The following UGT1A4 variants were observed in gnomAD, a reference collection of about 807,000 sequenced individuals.
UGT1A4 encodes the protein UDP glucuronosyltransferase family 1 member A4.
UGT1A4 carries 32 observed loss-of-function variants against 41.1 expected under a neutral mutation model. The observed-to-expected ratio is 0.78, with a 90% CI of 0.59 to 1.05. The LOEUF (loss-of-function observed/expected upper bound fraction) is 1.05. UGT1A4 is among the 50% of genes least tolerant of loss of function. The pLI, the probability that UGT1A4 is intolerant of heterozygous loss-of-function variation, is 0.00. For synonymous variants in UGT1A4, 283 were observed against 265.1 expected, an observed-to-expected ratio of 1.07 and a Z score of -0.66; for missense variants, 748 against 677.4, an observed-to-expected ratio of 1.10 and a Z score of -1.16.
At chr2:233,748,654 C>T (rs1693998428) in intron 1 of UGT1A4, among the ~76,000 whole-genome samples, 1 of 151,632 alleles carries the variant, frequency 6.6e-6, no homozygotes, top group Admixed American at 6.6e-5. Flanking sequence ...ACACTGAGTT[C>T]AGTTTCCAGA....
At chr2:233,740,026 G>A (rs1244657367) in intron 1 of UGT1A4, among the ~76,000 whole-genome samples, 1 of 151,782 alleles carries the variant, frequency 6.6e-6, no homozygotes, top group Non-Finnish European at 1.5e-5. Flanking sequence ...GAGAGCTGAT[G>A]GTTTTATAAG....
chr2:233,764,353 C>G (rs556692571), intron 1 of UGT1A4, among the ~76,000 whole-genome samples: 23 of 152,240 alleles, frequency 1.5e-4, no homozygotes, highest in Non-Finnish European at 2.8e-4. Flanking sequence ...CTTTATTGAG[C>G]CTCATAGTAG....
chr2:233,755,006 C>T (rs1286236812), intron 1 of UGT1A4: 2 of 1,291,954 alleles, frequency 1.5e-6, no homozygotes, highest in Admixed American at 1.9e-5. Context: ...TGAAGACCTA[C>T]TCGAAGGGGT....
intron 1 of UGT1A4, among the ~76,000 whole-genome samples, chr2:233,764,304 G>T (rs1377470557): frequency 6.6e-6 from 1 of 152,130 alleles, no homozygotes; most frequent in Non-Finnish European, 1.5e-5. Context: ...TCAGGGTGAA[G>T]TTTAAGGGAA....
In UGT1A4 at chr2:233,719,110, C is replaced by G; in HGVS notation, c.290C>G (p.Thr97Ser). 1 of 1,614,270 alleles carries G rather than the reference C, an allele frequency of 6.2e-7. No individual in the cohort carries two copies. Among genetic ancestry groups the G allele is most frequent in the Non-Finnish European group, 8.5e-7 (1 of 1,180,050 alleles). ...TTTGATCGCGTTACGCTGGGCTACACTCAAGGGTTCTTTGAAACAGAACAT... is the reference window on the plus strand; with the variant it reads ...TTTGATCGCGTTACGCTGGGCTACAGTCAAGGGTTCTTTGAAACAGAACAT... ...KEFDRVTLGY[T>S]QGFFETEHLL... The change falls in exon 1 of 5, where the codon ACT (threonine) becomes AGT (serine). Residue 97 changes from threonine to serine, a missense_variant. By Grantham distance (58) the Thr-to-Ser change is moderately conservative. Transcript: ENST00000373409.
At chr2:233,724,425 G>C (rs1323206550) in intron 1 of UGT1A4, among the ~76,000 whole-genome samples, 9 of 126,856 alleles carry the variant, frequency 7.1e-5, no homozygotes, top group Admixed American at 1.5e-4. Context: ...CGGGCGGAGA[G>C]GCTCCTCACT....
intron 1 of UGT1A4, among the ~76,000 whole-genome samples, chr2:233,752,171 G>A (rs1336232019): frequency 2.6e-5 from 4 of 152,222 alleles, no homozygotes; most frequent in Non-Finnish European, 2.9e-5. Context: ...AGTGTGTGAT[G>A]TAAGCTGAAT....
chr2:233,754,735 A>C, intron 1 of UGT1A4: 1 of 652,450 alleles, frequency 1.5e-6, no homozygotes, highest in South Asian at 1.5e-5. Flanking sequence ...TCACTACCGT[A>C]GGACATGCAG....
rs368511777 is a variant in UGT1A4 at position 233,719,318 on chromosome 2, G to A, written c.498G>A (p.Ser166=). 1.9e-5 allele frequency: 30 copies of A among 1,613,836 alleles called. No individual in the cohort carries two copies. In the East Asian group the frequency reaches 2.5e-4, roughly 13 times the overall value. Residue 166 remains serine, a synonymous_variant, in exon 1 of 5, where the codon TCG becomes TCA. Transcript: ENST00000373409. ...GGGCGGTGCTGGCTAAGTACCTGTC[G>A]ATTCCTGCTGTGTTTTTTTGGAGGT... ...LCGAVLAKYL[S]IPAVFFWRYI... is the part of the protein sequence containing the mutation.
At chr2:233,758,188 A>G (rs1349167562) in intron 1 of UGT1A4, among the ~76,000 whole-genome samples, 2 of 152,180 alleles carry the variant, frequency 1.3e-5, no homozygotes, top group African/African-American at 4.8e-5. Flanking sequence ...TATTAATTGG[A>G]TTGCTTAGTA....
At chr2:233,761,119 A>T in intron 1 of UGT1A4, 1 of 1,614,188 alleles carries the variant, frequency 6.2e-7, no homozygotes, top group African/African-American at 1.3e-5. Context: ...TGTTGGTGGA[A>T]TCAACTGCCT....
At chr2:233,756,551 C>G (rs1440983818) in intron 1 of UGT1A4, among the ~76,000 whole-genome samples, 1 of 152,076 alleles carries the variant, frequency 6.6e-6, no homozygotes, top group East Asian at 1.9e-4. Context: ...CTAAAACAAC[C>G]AGGGAGATCC....
Position 233,768,303 on chromosome 2 carries a change from A to C in UGT1A4, c.1171A>C (p.Met391Leu). The change falls in exon 4 of 5, where the codon ATG (methionine) becomes CTG (leucine). Residue 391 changes from methionine (M) to leucine (L), a missense_variant. Met to Leu is a conservative substitution (Grantham distance 15, BLOSUM62 2). Coordinates refer to ENST00000373409, the MANE Select transcript of UGT1A4 (RefSeq NM_007120.3). ...ESICNGVPMV[M>L]MPLFGDQMDN... ...CATATGCAATGGCGTTCCCATGGTG[A>C]TGATGCCCTTGTTTGGTGATCAGAT... 2 of 1,614,200 alleles carry C rather than the reference A, an allele frequency of 1.2e-6. No individual in the cohort carries two copies. Among genetic ancestry groups the C allele is most frequent in the Non-Finnish European group, 1.7e-6 (2 of 1,180,040 alleles).
At chr2:233,767,292 T>C in intron 2 of UGT1A4, 127 bp downstream of exon 2, 1 of 1,553,044 alleles carries the variant, frequency 6.4e-7, no homozygotes, top group South Asian at 1.2e-5. Context: ...ACTTCCCAAC[T>C]ATTAATCCAA....
chr2:233,733,746 G>A (rs1211480286), intron 1 of UGT1A4, among the ~76,000 whole-genome samples: 2 of 152,164 alleles, frequency 1.3e-5, no homozygotes, highest in Admixed American at 6.5e-5. Context: ...TGTTCATCAG[G>A]GATATTTGTC....
chr2:233,744,318 TG>T (rs1692773667), intron 1 of UGT1A4, among the ~76,000 whole-genome samples: 2 of 151,754 alleles, frequency 1.3e-5, no homozygotes, highest in Admixed American at 1.3e-4. Flanking sequence ...AAGAGGGTGG[TG>T]GGAGTGAGTT....
At position 233,719,072 on chromosome 2, in the gene UGT1A4, G is replaced by T. The variant is rs148007151; in HGVS notation, c.252G>T (p.Trp84Cys). ...CCCTGACAGCCTATGCTGTTCCATG[G>T]ACCCAGAAGGAATTTGATCGCGTTA... ...FFTLTAYAVP[W>C]TQKEFDRVTL... The change falls in exon 1 of 5, where the codon TGG (tryptophan) becomes TGT (cysteine). Residue 84 changes from tryptophan (W) to cysteine (C), a missense_variant. Transcript: ENST00000373409. The T allele has an allele frequency of 6.2e-7, 1 of 1,614,284 alleles. No homozygotes were observed.
chr2:233,745,271 G>A (rs1376057021), intron 1 of UGT1A4, among the ~76,000 whole-genome samples: 1 of 151,866 alleles, frequency 6.6e-6, no homozygotes, highest in Non-Finnish European at 1.5e-5. Flanking sequence ...TGCAGGCCGT[G>A]TGTATAGCAC....
intron 1 of UGT1A4, among the ~76,000 whole-genome samples, chr2:233,758,117 T>C (rs1223094258): frequency 1.3e-5 from 2 of 152,208 alleles, no homozygotes; most frequent in African/African-American, 4.8e-5. Context: ...GCTCACACGT[T>C]CCATAAATAT....
Sources: allele counts gnomAD v4.1 joint callset (sites outside exome capture counted in the v4.1 genomes callset), GRCh38; gene constraint gnomAD v4.1.1; transcripts MANE v1.5; gene names NCBI Gene and HGNC (gene_info 2026-07-23, HGNC 2026-07-21).